GLO1: variants seen among roughly 807,000 people sequenced by gnomAD.
GLO1 encodes the protein glyoxalase I.
Under a neutral mutation model 26.0 loss-of-function variants are expected in GLO1, and 28 were observed. The ratio of observed to expected loss-of-function variants is 1.08; its 90% CI spans 0.80 to 1.48. The LOEUF (loss-of-function observed/expected upper bound fraction) is 1.48, where lower values mean the gene tolerates loss of function less well. Ranked by LOEUF, GLO1 falls within the 40% of genes most tolerant of loss-of-function variation. The pLI is 0.00. For synonymous variants in GLO1, 78 were observed against 77.6 expected (o/e 1.00, Z -0.03); for missense variants, 225 against 224.8 (o/e 1.00, Z -0.01).
At chr6:38,686,735 C>G (rs1164452082) in intron 2 of GLO1, among the ~76,000 whole-genome samples, 157 bp downstream of exon 2, 1 of 152,152 alleles carries the variant, frequency 6.6e-6, no homozygotes, top group Non-Finnish European at 1.5e-5. Flanking sequence ...AAAGAACTTA[C>G]GAGAGAAGCC....
intron 1 of GLO1, among the ~76,000 whole-genome samples, chr6:38,688,429 A>AT (rs1321592373): frequency 3.3e-5 from 5 of 152,084 alleles, no homozygotes; most frequent in African/African-American, 1.2e-4. Flanking sequence ...TAAAAAAAAA[A>AT]AATTTAAAGC....
In GLO1 at chr6:38,680,297, G is replaced by A. The variant is rs188385800; in HGVS notation, c.466+1715C>T. 4.6e-5 allele frequency among the ~76,000 whole-genome samples: 7 copies of A among 152,246 alleles called. No homozygotes were observed. The South Asian group carries it at 1.0e-3, about 23-fold the overall frequency. ...AGCACTTTGGGAGGCTGAGGCAGGCGGATCACCTGAGGTTGGGATTTTGAG... is the reference window on the plus strand; with the variant it reads ...AGCACTTTGGGAGGCTGAGGCAGGCAGATCACCTGAGGTTGGGATTTTGAG... On this transcript the variant is annotated intron_variant, in intron 5 of 5. Transcript: ENST00000373365.
intron 1 of GLO1, among the ~76,000 whole-genome samples, chr6:38,695,400 C>T (rs1198681925): frequency 6.6e-6 from 1 of 152,052 alleles, no homozygotes; most frequent in Non-Finnish European, 1.5e-5. Context: ...CACACACACA[C>T]ATAACTTATC....
intron 1 of GLO1, among the ~76,000 whole-genome samples, chr6:38,697,473 T>G (rs1341636222): frequency 6.6e-6 from 1 of 152,166 alleles, no homozygotes; most frequent in Non-Finnish European, 1.5e-5. Flanking sequence ...AGCCAGTATC[T>G]CTAGTAGCAA....
chr6:38,683,404 A>T lies in GLO1; in HGVS notation c.309-529T>A, dbSNP rs556663348. Among the ~76,000 whole-genome samples the T allele has an allele frequency of 2.0e-5, 3 of 152,352 alleles. No homozygotes were observed. The East Asian group carries it at 5.8e-4, about 29-fold the overall frequency. ...TATAAAAATACCAAATTTGAATGTTAATTATTACAAAATGGTTTGAAGAAT... is the reference window on the plus strand; with the variant it reads ...TATAAAAATACCAAATTTGAATGTTTATTATTACAAAATGGTTTGAAGAAT... On this transcript the variant is annotated intron_variant, in intron 3 of 5. Coordinates refer to ENST00000373365, the MANE Select transcript of GLO1 (RefSeq NM_006708.3).
chr6:38,678,622 C>T (rs1351883383), intron 5 of GLO1, among the ~76,000 whole-genome samples: 3 of 152,136 alleles, frequency 2.0e-5, no homozygotes, highest in African/African-American at 7.2e-5. Context: ...TGCATCGGCA[C>T]CTGCCCTCTC....
Position 38,677,038 on chromosome 6 carries a change from G to A in GLO1, c.*257C>T. 5.6e-6 allele frequency: 2 copies of A among 356,688 alleles called. No individual in the cohort carries two copies. Among genetic ancestry groups the A allele is most frequent in the Non-Finnish European group, 9.9e-6 (2 of 201,260 alleles). The allele number at this position is 356,688 out of a possible 1,614,324, so 22.1% of individuals were successfully genotyped here. A position where few individuals can be genotyped will look rare whatever the true frequency, so the allele number is the denominator to read the frequency against. On this transcript the variant is annotated 3_prime_UTR_variant, in exon 6 of 6. Coordinates refer to ENST00000373365, the MANE Select transcript of GLO1 (RefSeq NM_006708.3). The stretch of plus-strand genomic sequence containing the variant: ...GAAGAAGGCAAATGCAGCCTCTGAA[G>A]GGAACTGTTCTAATTATTACCTAAA...
chr6:38,679,019 GCAA>G (rs1398699552), intron 5 of GLO1, among the ~76,000 whole-genome samples: 8 of 105,046 alleles, frequency 7.6e-5, no homozygotes, highest in African/African-American at 2.6e-4. Context: ...AAGCTCAGAG[GCAA>G]AAAATAATAA....
intron 5 of GLO1, among the ~76,000 whole-genome samples, chr6:38,678,113 C>A (rs185225873): frequency 1.3e-5 from 2 of 152,294 alleles, no homozygotes; most frequent in East Asian, 3.9e-4. Flanking sequence ...AACCCAAGCT[C>A]TGCGAGAGTC....
rs1364095338 is a variant in GLO1 at position 38,695,425 on chromosome 6, A to G, written c.84+7546T>C. ...CATAACTTATCAGTCATTTGGTGAC[A>G]TCATTTTATTAGTTTGAACAAGGTA... On this transcript the variant is annotated intron_variant, in intron 1 of 5. Transcript: ENST00000373365. 2.6e-5 allele frequency among the ~76,000 whole-genome samples: 4 copies of G among 152,186 alleles called. No individual in the cohort carries two copies. In the East Asian group the frequency reaches 7.7e-4, roughly 29 times the overall value.
In GLO1 at chr6:38,680,628, G is replaced by A. The variant is rs564522842; in HGVS notation, c.466+1384C>T. Among the ~76,000 whole-genome samples, 6 of 152,310 alleles carry A rather than the reference G, an allele frequency of 3.9e-5. No homozygotes were observed. In the South Asian group the frequency reaches 6.2e-4, roughly 16 times the overall value. On this transcript the variant is annotated intron_variant, in intron 5 of 5. Coordinates refer to ENST00000373365, the MANE Select transcript of GLO1 (RefSeq NM_006708.3). The stretch of plus-strand genomic sequence containing the variant: ...AAAAAGGCTGGGCATAGTGGCTCAC[G>A]CCTGTAATCCCAGTGCTTTGGGAGG...
intron 1 of GLO1, among the ~76,000 whole-genome samples, chr6:38,691,226 G>T (rs1420142143): frequency 1.3e-5 from 2 of 152,134 alleles, no homozygotes; most frequent in Non-Finnish European, 2.9e-5. Flanking sequence ...TTATCAAAAG[G>T]TGGACAATAG....
chr6:38,694,125 T>C (rs1206863191), intron 1 of GLO1, among the ~76,000 whole-genome samples: 5 of 152,222 alleles, frequency 3.3e-5, no homozygotes, highest in African/African-American at 7.2e-5. Context: ...ATTATGTTTC[T>C]GCTACTGATT....
intron 1 of GLO1, among the ~76,000 whole-genome samples, chr6:38,693,695 ATATATATAT>A (rs1275090444): frequency 5.8e-5 from 8 of 137,738 alleles, no homozygotes; most frequent in African/African-American, 1.9e-4. Context: ...CTATATATAT[ATATATATAT>A]ATTTGTTTTG....
chr6:38,691,613 CT>C (rs1036791527), intron 1 of GLO1, among the ~76,000 whole-genome samples: 3 of 152,104 alleles, frequency 2.0e-5, no homozygotes, highest in African/African-American at 7.2e-5. Flanking sequence ...GCCAAGAAAA[CT>C]TTAAAGGTAC....
At chr6:38,693,991 T>A (rs1439951555) in intron 1 of GLO1, among the ~76,000 whole-genome samples, 1 of 152,164 alleles carries the variant, frequency 6.6e-6, no homozygotes, top group East Asian at 1.9e-4. Flanking sequence ...ATTACAGGCG[T>A]GAGCCACTGC....
chr6:38,696,180 A>G (rs1480433447), intron 1 of GLO1, among the ~76,000 whole-genome samples: 1 of 151,322 alleles, frequency 6.6e-6, no homozygotes, highest in Non-Finnish European at 1.5e-5. Flanking sequence ...CAATATGTCT[A>G]TTTTCAGGAT....
chr6:38,684,534 A>G lies in GLO1; in HGVS notation c.168-20T>C. 6.9e-7 allele frequency: 1 copy of G among 1,450,950 alleles called. No homozygotes were observed. Among genetic ancestry groups the G allele is most frequent in the Non-Finnish European group, 9.1e-7 (1 of 1,095,842 alleles). The allele number at this position is 1,450,950 out of a possible 1,614,324, so 89.9% of individuals were successfully genotyped here. A position where few individuals can be genotyped will look rare whatever the true frequency, so the allele number is the denominator to read the frequency against. On this transcript the variant is annotated intron_variant, in intron 2 of 5. Transcript: ENST00000373365. Reference sequence around the variant, plus strand: ...ATTAGCCTGCAATGAAAAAACAACAAGCCTGAATCATTAACAACAGGAAAG... The same window carrying G: ...ATTAGCCTGCAATGAAAAAACAACAGGCCTGAATCATTAACAACAGGAAAG...
intron 1 of GLO1, among the ~76,000 whole-genome samples, chr6:38,698,724 A>G (rs1258031365): frequency 6.8e-6 from 1 of 147,994 alleles, no homozygotes; most frequent in Non-Finnish European, 1.5e-5. Flanking sequence ...CCTTTTAAAG[A>G]AAGTTAGCCC....
Sources: gnomAD v4.1 joint callset for allele counts (sites outside exome capture counted in the v4.1 genomes callset) on GRCh38, gnomAD v4.1.1 for gene constraint, MANE v1.5 for transcripts, NCBI Gene and HGNC (gene_info 2026-07-23, HGNC 2026-07-21) for gene names.